Variants in CTTNBP2 observed in about 807,000 individuals in gnomAD.
The protein encoded by CTTNBP2 is cortactin binding protein 2, also known as cortactin-binding protein 2.
Under a neutral mutation model 156.9 loss-of-function variants are expected in CTTNBP2, and 108 were observed. The ratio of observed to expected loss-of-function variants is 0.69; its 90% CI spans 0.59 to 0.81. CTTNBP2 has a LOEUF of 0.81. Among genes scored for constraint, CTTNBP2 ranks in the 30% least tolerant of loss-of-function variants. The pLI, the probability that CTTNBP2 is intolerant of heterozygous loss-of-function variation, is 0.00. For missense variants in CTTNBP2, 1,924 were observed against 2,035.4 expected (o/e 0.95, Z 1.05); for synonymous variants, 767 against 751.8 (o/e 1.02, Z -0.33).
intron 2 of CTTNBP2, among the ~76,000 whole-genome samples, chr7:117,852,574 T>C (rs1280441335): frequency 2.0e-5 from 3 of 152,294 alleles, no homozygotes; most frequent in Admixed American, 6.5e-5. Flanking sequence ...TTGGTATAAT[T>C]AATAAGAAGG....
intron 2 of CTTNBP2, among the ~76,000 whole-genome samples, chr7:117,825,534 G>T (rs1285018752): frequency 6.6e-6 from 1 of 152,174 alleles, no homozygotes; most frequent in Middle Eastern, 3.2e-3. Flanking sequence ...CTTCAGCCTG[G>T]TTATATAGAC....
intron 2 of CTTNBP2, among the ~76,000 whole-genome samples, chr7:117,840,153 T>C (rs1310716755): frequency 2.0e-5 from 3 of 152,108 alleles, no homozygotes; most frequent in Admixed American, 1.3e-4. Context: ...TAACTGAGCA[T>C]CACAGTTTTA....
At chr7:117,827,420 T>G (rs2117058544) in intron 2 of CTTNBP2, among the ~76,000 whole-genome samples, 1 of 152,336 alleles carries the variant, frequency 6.6e-6, no homozygotes, top group South Asian at 2.1e-4. Flanking sequence ...AAGCATTTTC[T>G]TATTTGGCTT....
At position 117,725,106 on chromosome 7, in the gene CTTNBP2, G is replaced by C. The variant is rs200259226; in HGVS notation, c.4207C>G (p.Leu1403Val). The C allele has an allele frequency of 1.9e-6, 3 of 1,613,080 alleles. No individual in the cohort carries two copies. Among genetic ancestry groups the C allele is most frequent in the Middle Eastern group, 2.0e-4 (1 of 5,122 alleles). ...ACAGCTTTATTTAGCAAGATGCTGA[G>C]AGCAGCTTTGACCACAGCCTGCTGT... ...QGQQAVVKAA[L>V]SILLNKAVLH... The change falls in exon 18 of 23, where the codon CTC becomes GTC. Residue 1403 changes from leucine (L) to valine (V), a missense_variant. By Grantham distance (32) the Leu-to-Val change is conservative. Coordinates refer to ENST00000160373, the MANE Select transcript of CTTNBP2 (RefSeq NM_033427.3).
chr7:117,852,885 T>C (rs546122917), intron 2 of CTTNBP2, among the ~76,000 whole-genome samples: 15 of 152,292 alleles, frequency 9.8e-5, no homozygotes, highest in African/African-American at 2.6e-4. Context: ...CTTAGTTTCA[T>C]TAATGTTGCC....
chr7:117,825,630 G>C (rs1365991089), intron 2 of CTTNBP2, among the ~76,000 whole-genome samples: 4 of 151,996 alleles, frequency 2.6e-5, no homozygotes, highest in Non-Finnish European at 5.9e-5. Context: ...AACTGGATTT[G>C]GATATAGAAT....
chr7:117,797,570 G>T (rs1169428572), intron 3 of CTTNBP2, among the ~76,000 whole-genome samples: 3 of 152,096 alleles, frequency 2.0e-5, no homozygotes, highest in African/African-American at 7.2e-5. Flanking sequence ...TAATAAATGA[G>T]GGGAAGGGGA....
At chr7:117,779,280 C>A (rs1798272188) in intron 7 of CTTNBP2, among the ~76,000 whole-genome samples, 1 of 152,118 alleles carries the variant, frequency 6.6e-6, no homozygotes, top group African/African-American at 2.4e-5. Context: ...ATTACAAAGG[C>A]CATGCAACCA....
chr7:117,738,728 A>C (rs1327686780), intron 14 of CTTNBP2, among the ~76,000 whole-genome samples: 1 of 152,054 alleles, frequency 6.6e-6, no homozygotes, highest in Non-Finnish European at 1.5e-5. Context: ...TTGATGAGTG[A>C]AGCATTGCTT....
chr7:117,788,238 G>A (rs1409947557), intron 4 of CTTNBP2, among the ~76,000 whole-genome samples: 1 of 152,188 alleles, frequency 6.6e-6, no homozygotes, highest in Non-Finnish European at 1.5e-5. Context: ...GCCTCCCAAT[G>A]TGCTTGGATT....
chr7:117,739,661 CGTAG>C (rs1795890883), intron 14 of CTTNBP2, among the ~76,000 whole-genome samples: 1 of 152,162 alleles, frequency 6.6e-6, no homozygotes. Flanking sequence ...TGCTTTGTGT[CGTAG>C]GTGAGTGACT....
rs754332162 is a variant in CTTNBP2, at chr7:117,792,553, C to T, written c.643G>A (p.Ala215Thr). 10 of 1,614,086 alleles carry T rather than the reference C, an allele frequency of 6.2e-6. No homozygotes were observed. The highest frequency in any genetic ancestry group is 4.0e-5 in the African/African-American group (3 of 74,934). ...ATTTCTGTGCTTCTTCGTTTCTCAG[C>T]GGAGAGTTCCTCTTCTAATTCATTC... ...KTNELEEELS[A>T]EKRRSTEMEA... The change falls in exon 4 of 23, where the codon GCT (alanine) becomes ACT (threonine). Residue 215 changes from alanine to threonine, a missense_variant. Transcript: ENST00000160373. This position sits in a 1 kb window ranked among gnomAD's most constrained non-coding sequence, Gnocchi z 4.2.
chr7:117,765,693 C>T (rs1194146306), intron 9 of CTTNBP2, among the ~76,000 whole-genome samples: 1 of 152,168 alleles, frequency 6.6e-6, no homozygotes, highest in African/African-American at 2.4e-5. Context: ...TTTCCCTCTC[C>T]TCCACCCTGG....
chr7:117,717,585 C>T (rs1460253350), intron 22 of CTTNBP2, among the ~76,000 whole-genome samples: 2 of 152,108 alleles, frequency 1.3e-5, no homozygotes, highest in South Asian at 2.1e-4. Flanking sequence ...TCAACTTATT[C>T]ATTCTGTCTA....
chr7:117,872,933 C>A (rs1023627866), intron 1 of CTTNBP2, among the ~76,000 whole-genome samples: 3 of 152,122 alleles, frequency 2.0e-5, no homozygotes, highest in African/African-American at 7.2e-5. Flanking sequence ...CACGCGCTGG[C>A]AACCACGCGC....
intron 6 of CTTNBP2, 117 bp from the exon 7 acceptor site, chr7:117,780,708 T>C: frequency 2.0e-6 from 1 of 499,736 alleles, no homozygotes; most frequent in Non-Finnish European, 3.4e-6. Flanking sequence ...ATACATCAAT[T>C]GTTTCTATTT....
intron 9 of CTTNBP2, among the ~76,000 whole-genome samples, chr7:117,764,364 C>A (rs1442369302): frequency 6.6e-6 from 1 of 152,174 alleles, no homozygotes; most frequent in African/African-American, 2.4e-5. Context: ...CTAAAGACTC[C>A]AAAGCACATC....
Position 117,725,130 on chromosome 7 carries a change from G to A in CTTNBP2, c.4183C>T (p.Gln1395Ter), listed in dbSNP as rs143090881. The A allele has an allele frequency of 7.4e-6, 12 of 1,613,462 alleles. No homozygotes were observed. Among genetic ancestry groups the A allele is most frequent in the Non-Finnish European group, 1.0e-5 (12 of 1,180,008 alleles). The change falls in exon 18 of 23, where the codon CAG (glutamine) becomes TAG (stop). Residue 1395 changes from glutamine to a stop codon, truncating the protein, a stop_gained. Transcript: ENST00000160373. LOFTEE classifies it high-confidence loss of function. Reference protein sequence around the residue: ...TTAKRHPSQGQQAVVKAALSI... With the variant: ...TTAKRHPSQG ...AGAGCAGCTTTGACCACAGCCTGCT[G>A]TCCTTGGCTAGGGTGTCTTTTAGCA...
At chr7:117,763,555 C>CTTTTTTTT (rs767309488) in intron 9 of CTTNBP2, among the ~76,000 whole-genome samples, 9 of 103,432 alleles carry the variant, frequency 8.7e-5, no homozygotes, top group East Asian at 2.6e-4. Context: ...TCTTCTTCTT[C>CTTTTTTTT]TTTTTTTTTT....
Sources: allele counts gnomAD v4.1 joint callset (sites outside exome capture counted in the v4.1 genomes callset), GRCh38; gene constraint gnomAD v4.1.1; non-coding constraint Gnocchi (gnomAD v3.1); transcripts MANE v1.5; gene names NCBI Gene and HGNC (gene_info 2026-07-23, HGNC 2026-07-21).